Variants in PLPP5 observed in about 807,000 individuals in gnomAD.
The protein encoded by PLPP5 is phospholipid phosphatase 5.
A neutral mutation model predicts 23.6 loss-of-function variants in PLPP5; 29 were observed. That is an observed-to-expected ratio of 1.23 (90% CI 0.92 to 1.68). The LOEUF is 1.68. Ranked by LOEUF, PLPP5 falls within the 40% of genes most tolerant of loss-of-function variation. The pLI is 0.00. For missense variants in PLPP5, 315 were observed against 332.1 expected (o/e 0.95, Z 0.40); for synonymous variants, 143 against 131.3 (o/e 1.09, Z -0.61).
Position 38,264,558 on chromosome 8 carries a change from G to T in PLPP5, c.681C>A (p.Cys227Ter). 2 of 1,584,928 alleles carry T rather than the reference G, an allele frequency of 1.3e-6. No individual in the cohort carries two copies. Among genetic ancestry groups the T allele is most frequent in the Non-Finnish European group, 1.7e-6 (2 of 1,164,596 alleles). ...TCAGAGGAGGATAATACTGCCGATA[G>T]CAGACATAGGCAAATGTCATTCCAA... is the stretch of plus-strand genomic sequence containing the variant. Reference protein sequence around the residue: ...SMIGMTFAYVCYRQYYPPLTD... With the variant: ...SMIGMTFAYV Residue 227 changes from cysteine to a stop codon, truncating the protein, a stop_gained, in exon 7 of 7, where the codon TGC becomes TGA. Coordinates refer to ENST00000424479, the MANE Select transcript of PLPP5 (RefSeq NM_001102559.2). LOFTEE classifies it low-confidence loss of function (END_TRUNC).
Position 38,264,333 on chromosome 8 carries a change from G to C in PLPP5, c.*111C>G. ...ATTTTTGTATTTTTAGTAGAGACAGGGTTCACCATGTTGGCCAGGCTGGTC... is the reference window on the plus strand; with the variant it reads ...ATTTTTGTATTTTTAGTAGAGACAGCGTTCACCATGTTGGCCAGGCTGGTC... On this transcript the variant is annotated 3_prime_UTR_variant, in exon 7 of 7. Coordinates refer to ENST00000424479, the MANE Select transcript of PLPP5 (RefSeq NM_001102559.2). 2.3e-6 allele frequency: 2 copies of C among 879,676 alleles called. No individual in the cohort carries two copies. The highest frequency in any genetic ancestry group is 4.5e-5 in the South Asian group (2 of 44,308). The allele number at this position is 879,676 out of a possible 1,614,324, so 54.5% of individuals were successfully genotyped here.
At position 38,264,082 on chromosome 8, in the gene PLPP5, G is replaced by A. The variant is rs1807241639; in HGVS notation, c.*362C>T. The A allele has an allele frequency of 1.0e-6, 1 of 991,144 alleles. No homozygotes were observed. Among genetic ancestry groups the A allele is most frequent in the Non-Finnish European group, 1.2e-6 (1 of 833,830 alleles). The allele number at this position is 991,144 out of a possible 1,614,324, so 61.4% of individuals were successfully genotyped here. On this transcript the variant is annotated 3_prime_UTR_variant, in exon 7 of 7. Coordinates refer to ENST00000424479, the MANE Select transcript of PLPP5 (RefSeq NM_001102559.2). ...ACCTTGGAAGGGGAAAAAAAGGCTA[G>A]AATTTCTTGTCTTGTGCATGGTCCG...
chr8:38,263,548 A>G lies in PLPP5; in HGVS notation c.*896T>C, dbSNP rs1304029133. The G allele has an allele frequency of 2.0e-6, 2 of 985,264 alleles. No individual in the cohort carries two copies. The highest frequency in any genetic ancestry group is 3.5e-5 in the African/African-American group (2 of 57,230). The allele number at this position is 985,264 out of a possible 1,614,324, so 61.0% of individuals were successfully genotyped here. On this transcript the variant is annotated 3_prime_UTR_variant, in exon 7 of 7. Coordinates refer to ENST00000424479, the MANE Select transcript of PLPP5 (RefSeq NM_001102559.2). ...ATTGTTTTCACTTAGTAATTCAACA[A>G]ATTGTTTATGCCCACGGTGTTCAAA...
intron 5 of PLPP5, chr8:38,266,935 T>C: frequency 8.6e-6 from 6 of 694,808 alleles, no homozygotes; most frequent in Non-Finnish European, 1.2e-5. Flanking sequence ...GAGCTATAAT[T>C]AGGTAAGAAA....
chr8:38,268,377 AG>A lies in PLPP5; in HGVS notation c.267del (p.Cys90AlafsTer10). On this transcript the variant is annotated frameshift_variant, in exon 3 of 7. Transcript: ENST00000424479. LOFTEE classifies it high-confidence loss of function. ...CGAAAGGGCTAGCGCTCACCCAGGC[AG>A]GCTTGTCTGCTGTCTCTTGTGTCTG... ...KKADTRDSRQ[A>X]CLAASLALAL... 1 of 1,566,932 alleles carries A rather than the reference AG, an allele frequency of 6.4e-7. No homozygotes were observed. Among genetic ancestry groups the A allele is most frequent in the Non-Finnish European group, 8.7e-7 (1 of 1,155,554 alleles).
At position 38,268,533 on chromosome 8, in the gene PLPP5, ATG is replaced by A. The variant is rs1376517265; in HGVS notation, c.184-74_184-73del. 3 of 1,536,368 alleles carry A rather than the reference ATG, an allele frequency of 2.0e-6. No individual in the cohort carries two copies. In the Admixed American group the frequency reaches 5.9e-5, roughly 30 times the overall value. ...ACTCGTGCTCCTACAGGAAAGAGGG[ATG>A]TGACACAGCAGGACTCACTGGAGCT... On this transcript the variant is annotated intron_variant, in intron 2 of 6. Transcript: ENST00000424479.
rs189610651 is a variant in PLPP5, at chr8:38,264,255, C to T, written c.*189G>A. 455 of 744,100 alleles carry T rather than the reference C, an allele frequency of 6.1e-4. 3 individuals are homozygous for T. The African/African-American group carries it at 7.4e-3, about 12-fold the overall frequency. 46.1% of individuals were successfully genotyped at this position (744,100 alleles called of 1,614,324 possible). ...CTCCAGCTCCCAGGTTCAAGCAATT[C>T]TCCTACCTCAGCCTCCCAGGTAGCT... On this transcript the variant is annotated 3_prime_UTR_variant, in exon 7 of 7. Transcript: ENST00000424479.
At position 38,267,334 on chromosome 8, in the gene PLPP5, C is replaced by CAAG. The variant is rs773275274; in HGVS notation, c.393_395dup (p.Asp131_Leu132insPhe). The CAAG allele has an allele frequency of 1.9e-6, 3 of 1,614,010 alleles. No homozygotes were observed. Among genetic ancestry groups the CAAG allele is most frequent in the Non-Finnish European group, 2.5e-6 (3 of 1,179,892 alleles). The stretch of plus-strand genomic sequence containing the variant: ...CCACGTCCTTATCCCCTGTACACAT[C>CAAG]AAGTCAGAATGGGCTAGCCCATCAG... On this transcript the variant is annotated inframe_insertion, in exon 5 of 7. Transcript: ENST00000424479.
intron 2 of PLPP5, 132 bp from the exon 3 acceptor site, chr8:38,268,593 G>T (rs1185007585): frequency 3.4e-6 from 5 of 1,452,248 alleles, no homozygotes; most frequent in Non-Finnish European, 4.5e-6. Context: ...GTAACCGGGC[G>T]CCAGGCAGCG....
At position 38,268,974 on chromosome 8, in the gene PLPP5, G is replaced by A; in HGVS notation, c.91C>T (p.Pro31Ser). 1.9e-6 allele frequency: 3 copies of A among 1,570,128 alleles called. No homozygotes were observed. The highest frequency in any genetic ancestry group is 1.2e-5 in the South Asian group (1 of 86,702). Residue 31 changes from proline to serine, a missense_variant, in exon 2 of 7, where the codon CCC (proline) becomes TCC (serine). Coordinates refer to ENST00000424479, the MANE Select transcript of PLPP5 (RefSeq NM_001102559.2). ...GGCTGGATGAGTCTCTGGAACGGGG[G>A]GAGCAGCTCCGTCACCCTAGAGGGG... ...FAAFLVTELL[P>S]PFQRLIQPEE...
At chr8:38,268,594 C>T (rs1442262892) in intron 2 of PLPP5, 133 bp from the exon 3 acceptor site, 1 of 1,452,456 alleles carries the variant, frequency 6.9e-7, no homozygotes, top group Non-Finnish European at 9.1e-7. Context: ...TAACCGGGCG[C>T]CAGGCAGCGC....
intron 2 of PLPP5, 27 bp downstream of exon 2, chr8:38,268,855 G>C: frequency 6.5e-7 from 1 of 1,528,924 alleles, no homozygotes. Flanking sequence ...CATGGGGAGG[G>C]AGGAAAGACG....
chr8:38,266,869 C>T (rs897225196), intron 5 of PLPP5: 1 of 255,910 alleles, frequency 3.9e-6, no homozygotes, highest in Non-Finnish European at 7.0e-6. Context: ...CTTTAGTTTC[C>T]TCATCTATAA....
At chr8:38,268,520 A>C in intron 2 of PLPP5, 59 bp from the exon 3 acceptor site, 3 of 1,541,350 alleles carry the variant, frequency 1.9e-6, no homozygotes, top group Non-Finnish European at 2.6e-6. Flanking sequence ...TCGTGCTCCT[A>C]CAGGAAAGAG....
intron 6 of PLPP5, 189 bp from the exon 7 acceptor site, chr8:38,264,793 T>G: frequency 6.6e-7 from 1 of 1,514,036 alleles, no homozygotes; most frequent in Non-Finnish European, 8.8e-7. Flanking sequence ...GTATTATCAT[T>G]GTCAGGTTGC....
At chr8:38,265,485 G>A (rs755021379) in intron 6 of PLPP5, 5 of 151,724 alleles carry the variant, frequency 3.3e-5, no homozygotes, top group African/African-American at 4.8e-5. Context: ...TAGAGATAGC[G>A]TTTCACTGTT....
chr8:38,268,519 T>G (rs1237331510), intron 2 of PLPP5, 58 bp from the exon 3 acceptor site: 1 of 1,541,962 alleles, frequency 6.5e-7, no homozygotes, highest in Non-Finnish European at 8.7e-7. Context: ...CTCGTGCTCC[T>G]ACAGGAAAGA....
chr8:38,265,074 C>A, intron 6 of PLPP5: 1 of 710,326 alleles, frequency 1.4e-6, no homozygotes, highest in Non-Finnish European at 2.5e-6. Context: ...TGAGACCAGC[C>A]TGACCAACAA....
In PLPP5 at chr8:38,268,394, C is replaced by T. The variant is rs775152563; in HGVS notation, c.251G>A (p.Arg84Lys). 7.6e-6 allele frequency: 12 copies of T among 1,571,622 alleles called. No homozygotes were observed. The highest frequency in any genetic ancestry group is 1.2e-5 in the South Asian group (1 of 85,338). The change falls in exon 3 of 7, where the codon AGA (arginine) becomes AAA (lysine). Residue 84 changes from arginine to lysine, a missense_variant. By Grantham distance (26) the Arg-to-Lys change is conservative. Coordinates refer to ENST00000424479, the MANE Select transcript of PLPP5 (RefSeq NM_001102559.2). ...LAKFLKKADTRDSRQACLAAS... is the reference protein window; with the variant it reads ...LAKFLKKADTKDSRQACLAAS... Reference sequence around the variant, plus strand: ...ACCCAGGCAGGCTTGTCTGCTGTCTCTTGTGTCTGCCTTCTTGAGAAATTT... The same window carrying T: ...ACCCAGGCAGGCTTGTCTGCTGTCTTTTGTGTCTGCCTTCTTGAGAAATTT...
Sources: gnomAD v4.1 joint callset for allele counts on GRCh38, gnomAD v4.1.1 for gene constraint, MANE v1.5 for transcripts, NCBI Gene and HGNC (gene_info 2026-07-23, HGNC 2026-07-21) for gene names.